The following CPSF4 variants were observed in gnomAD, a reference collection of about 807,000 sequenced individuals.
CPSF4 encodes the protein cleavage and polyadenylation specific factor 4, also known as cleavage and polyadenylation specificity factor subunit 4.
A neutral mutation model predicts 37.7 loss-of-function variants in CPSF4; 11 were observed. That is an observed-to-expected ratio of 0.29 (90% CI 0.18 to 0.48). The LOEUF (loss-of-function observed/expected upper bound fraction) is 0.48, where lower values mean the gene tolerates loss of function less well. Among genes scored for constraint, CPSF4 ranks in the 20% least tolerant of loss-of-function variants. The pLI is 0.99. For missense variants in CPSF4, 144 were observed against 359.5 expected (o/e 0.40, Z 4.85); for synonymous variants, 132 against 135.9 (o/e 0.97, Z 0.20).
At chr7:99,454,705 G>A (rs532922417) in intron 7 of CPSF4, among the ~76,000 whole-genome samples, 2 of 152,166 alleles carry the variant, frequency 1.3e-5, no homozygotes, top group African/African-American at 4.8e-5. Flanking sequence ...GTGAGTCTAG[G>A]CCTGTATTCA....
chr7:99,442,829 A>G, intron 1 of CPSF4: 1 of 909,722 alleles, frequency 1.1e-6, no homozygotes, highest in Non-Finnish European at 1.8e-6. Context: ...TGTGACCAAG[A>G]AGAATGAGAG....
At position 99,457,090 on chromosome 7, in the gene CPSF4, G is replaced by T; in HGVS notation, c.*590G>T. On this transcript the variant is annotated 3_prime_UTR_variant, in exon 8 of 8. Coordinates refer to ENST00000292476, the MANE Select transcript of CPSF4 (RefSeq NM_006693.4). ...CTCAAGCCTGAGGTTTTCTTCTCTG[G>T]GCTTAATTTTCTCTTGGGGTACGTG... 5.5e-6 allele frequency: 1 copy of T among 181,112 alleles called. No individual in the cohort carries two copies. The highest frequency in any genetic ancestry group is 5.4e-5 in the Admixed American group (1 of 18,660). 11.2% of individuals were successfully genotyped at this position (181,112 alleles called of 1,614,324 possible).
intron 1 of CPSF4, 113 bp from the exon 2 acceptor site, chr7:99,444,676 C>A: frequency 1.0e-6 from 1 of 1,001,056 alleles, no homozygotes; most frequent in Non-Finnish European, 1.5e-6. Flanking sequence ...ATTTCCTGTA[C>A]CCTGAACCCT....
chr7:99,440,234 G>GCCCACAACTACCAGCGGGGTCT lies in CPSF4; in HGVS notation c.103+1055_103+1076dup, dbSNP rs375989449. Among the ~76,000 whole-genome samples, 381 of 152,124 alleles carry GCCCACAACTACCAGCGGGGTCT rather than the reference G, an allele frequency of 2.5e-3. 2 individuals carry two copies. Among genetic ancestry groups the GCCCACAACTACCAGCGGGGTCT allele is most frequent in the African/African-American group, 7.0e-3 (291 of 41,482 alleles). ...AAGCTCTCCAGTGTTGTGTGCTGTC[G>GCCCACAACTACCAGCGGGGTCT]CCCACAACTACCAGCGGGGTCTCCC... On this transcript the variant is annotated intron_variant, in intron 1 of 7. Transcript: ENST00000292476.
chr7:99,443,191 C>T (rs1797176707), intron 1 of CPSF4: 4 of 781,712 alleles, frequency 5.1e-6, no homozygotes, highest in Middle Eastern at 2.2e-4. Context: ...CTGAATTGTT[C>T]GGCCCTCTTC....
intron 2 of CPSF4, among the ~76,000 whole-genome samples, chr7:99,447,230 T>G (rs577428649): frequency 6.6e-6 from 1 of 151,858 alleles, no homozygotes; most frequent in East Asian, 1.9e-4. Flanking sequence ...ATCATAGATT[T>G]GAGCTCCTAC....
chr7:99,450,698 GC>G lies in CPSF4; in HGVS notation c.404-3del. 6.2e-7 allele frequency: 1 copy of G among 1,612,116 alleles called. No homozygotes were observed. Among genetic ancestry groups the G allele is most frequent in the Non-Finnish European group, 8.5e-7 (1 of 1,178,198 alleles). ...TCTAAGTGACCGGACACTTGGCTCT[GC>G]AGGTCCCCTCTGCAGGCACCGGCAC... On this transcript the variant is annotated splice_region_variant and splice_polypyrimidine_tract_variant and intron_variant, in intron 4 of 7. Coordinates refer to ENST00000292476, the MANE Select transcript of CPSF4 (RefSeq NM_006693.4).
At position 99,439,174 on chromosome 7, in the gene CPSF4, C is replaced by T; in HGVS notation, c.92C>T (p.Pro31Leu). ...CTGGGGGCGCAGCCGCTGCCCTTCC[C>T]CGGCATGGACAGTGAGCGCGGGGCC... ...QQLGAQPLPF[P>L]GMDKSGAAVC... The change falls in exon 1 of 8, where the codon CCC becomes CTC. Residue 31 changes from proline (P) to leucine (L), a missense_variant. Coordinates refer to ENST00000292476, the MANE Select transcript of CPSF4 (RefSeq NM_006693.4). The T allele has an allele frequency of 6.2e-7, 1 of 1,604,402 alleles. No individual in the cohort carries two copies. Among genetic ancestry groups the T allele is most frequent in the Non-Finnish European group, 8.5e-7 (1 of 1,177,684 alleles).
intron 2 of CPSF4, 48 bp downstream of exon 2, chr7:99,444,887 C>T: frequency 1.3e-6 from 2 of 1,536,940 alleles, no homozygotes; most frequent in Non-Finnish European, 1.8e-6. Flanking sequence ...CGCCCTCCCA[C>T]CTCCTTCTCC....
chr7:99,453,916 T>C lies in CPSF4; in HGVS notation c.571-50T>C, dbSNP rs752991967. 6.4e-7 allele frequency: 1 copy of C among 1,570,620 alleles called. No homozygotes were observed. Among genetic ancestry groups the C allele is most frequent in the Non-Finnish European group, 8.7e-7 (1 of 1,145,424 alleles). ...TTTTTTCCTGTCCCCATCGGTAGTC[T>C]GCGTGCACGTGTTTTCCACAGTAAA... On this transcript the variant is annotated intron_variant, in intron 6 of 7. Transcript: ENST00000292476. The surrounding 1 kb of genome is among the most constrained non-coding windows in gnomAD (Gnocchi z 4.7).
chr7:99,448,429 G>T lies in CPSF4; in HGVS notation c.307+156G>T. 1.5e-6 allele frequency: 1 copy of T among 680,976 alleles called. No individual in the cohort carries two copies. Among genetic ancestry groups the T allele is most frequent in the Non-Finnish European group, 2.3e-6 (1 of 426,270 alleles). 42.2% of individuals were successfully genotyped at this position (680,976 alleles called of 1,614,324 possible). On this transcript the variant is annotated intron_variant, in intron 3 of 7. Coordinates refer to ENST00000292476, the MANE Select transcript of CPSF4 (RefSeq NM_006693.4). This position sits in a 1 kb window ranked among gnomAD's most constrained non-coding sequence, Gnocchi z 4.4. The stretch of plus-strand genomic sequence containing the variant: ...ACCTGCCAGCCTCAGCCAGCTTTTA[G>T]GGGACAGTGTGGCTATTTTCTGCTC...
chr7:99,451,898 G>A (rs544873576), intron 5 of CPSF4, among the ~76,000 whole-genome samples: 11 of 152,342 alleles, frequency 7.2e-5, no homozygotes, highest in East Asian at 5.8e-4. Context: ...GGAAGTGGCC[G>A]GTGCTGTCAC....
intron 5 of CPSF4, 38 bp downstream of exon 5, chr7:99,450,833 C>G: frequency 6.7e-7 from 1 of 1,487,824 alleles, no homozygotes; most frequent in Non-Finnish European, 9.4e-7. Flanking sequence ...CCCCAGCTCC[C>G]GGCCCAGGCC....
intron 1 of CPSF4, among the ~76,000 whole-genome samples, chr7:99,440,674 A>ATATATTTTTTTTTTTTTT: frequency 1.1e-5 from 1 of 88,086 alleles, no homozygotes; most frequent in East Asian, 3.4e-4. Flanking sequence ...ATATATATAT[A>ATATATTTTTTTTTTTTTT]TTTTTTTTTT....
At chr7:99,440,282 C>T (rs1248926668) in intron 1 of CPSF4, among the ~76,000 whole-genome samples, 1 of 151,882 alleles carries the variant, frequency 6.6e-6, no homozygotes, top group African/African-American at 2.4e-5. Context: ...AGCCTCACTC[C>T]CCTCAGGCGG....
intron 4 of CPSF4, 140 bp from the exon 5 acceptor site, chr7:99,450,562 T>G (rs796474851): frequency 1.2e-6 from 1 of 808,662 alleles, no homozygotes; most frequent in South Asian, 1.6e-5. Context: ...CACCCGCTTT[T>G]TTGATAAGGA....
rs546014424 is a variant in CPSF4 at position 99,443,189 on chromosome 7, T to C, written c.104-1600T>C. The C allele has an allele frequency of 6.1e-5, 48 of 781,970 alleles. No individual in the cohort carries two copies. The African/African-American group carries it at 7.4e-4, about 12-fold the overall frequency. 48.4% of individuals were successfully genotyped at this position (781,970 alleles called of 1,614,324 possible). On this transcript the variant is annotated intron_variant, in intron 1 of 7. Coordinates refer to ENST00000292476, the MANE Select transcript of CPSF4 (RefSeq NM_006693.4). Reference sequence around the variant, plus strand: ...CCAAGCTCACAGGTACACTGAATTGTTCGGCCCTCTTCTGCATTCTCTCAG... The same window carrying C: ...CCAAGCTCACAGGTACACTGAATTGCTCGGCCCTCTTCTGCATTCTCTCAG...
At chr7:99,450,919 G>A in intron 5 of CPSF4, 124 bp downstream of exon 5, 1 of 680,462 alleles carries the variant, frequency 1.5e-6, no homozygotes, top group Non-Finnish European at 2.6e-6. Flanking sequence ...GCCAAGGGTG[G>A]GGGCAGGAGA....
At chr7:99,449,459 C>T (rs943352422) in intron 3 of CPSF4, among the ~76,000 whole-genome samples, 1 of 152,262 alleles carries the variant, frequency 6.6e-6, no homozygotes, top group Non-Finnish European at 1.5e-5. Flanking sequence ...CTCTCCTGGG[C>T]AGGCTCTTAA....
Sources: gnomAD v4.1 joint callset for allele counts (sites outside exome capture counted in the v4.1 genomes callset) on GRCh38, gnomAD v4.1.1 for gene constraint, Gnocchi (gnomAD v3.1) non-coding constraint, MANE v1.5 for transcripts, NCBI Gene and HGNC (gene_info 2026-07-23, HGNC 2026-07-21) for gene names.